Variants in ARHGAP22 observed in about 807,000 individuals in gnomAD.
The protein encoded by ARHGAP22 is rho GTPase-activating protein 22.
In ARHGAP22, 48 loss-of-function variants were observed where a neutral mutation model predicts 59.1. The observed-to-expected ratio is 0.81, with a 90% CI of 0.64 to 1.03. ARHGAP22 has a LOEUF of 1.03. Among genes scored for constraint, ARHGAP22 ranks in the 50% least tolerant of loss-of-function variants. The probability of loss-of-function intolerance (pLI) is 0.00; values close to 1 mark genes in which losing one functional copy is unlikely to be tolerated. For synonymous variants in ARHGAP22, 445 were observed against 416.4 expected (o/e 1.07, Z -0.84); for missense variants, 1,015 against 958.7 (o/e 1.06, Z -0.78).
At chr10:48,613,889 A>T (rs1187048103) in intron 1 of ARHGAP22, among the ~76,000 whole-genome samples, 1 of 152,218 alleles carries the variant, frequency 6.6e-6, no homozygotes, top group African/African-American at 2.4e-5. Context: ...CATTGCCCTC[A>T]TGAACGAATT....
At chr10:48,572,667 CA>C (rs2058470925) in intron 2 of ARHGAP22, among the ~76,000 whole-genome samples, 1 of 152,200 alleles carries the variant, frequency 6.6e-6, no homozygotes, top group African/African-American at 2.4e-5. Context: ...CTGTTCAGGA[CA>C]AATTCCTGCC....
intron 2 of ARHGAP22, among the ~76,000 whole-genome samples, chr10:48,569,045 G>A (rs2058235676): frequency 6.6e-6 from 1 of 152,192 alleles, no homozygotes; most frequent in African/African-American, 2.4e-5. Context: ...TGGGTCCAGG[G>A]CCCCTCCTTG....
chr10:48,626,009 C>T (rs1244628345), intron 1 of ARHGAP22, among the ~76,000 whole-genome samples: 2 of 152,208 alleles, frequency 1.3e-5, no homozygotes, highest in Admixed American at 1.3e-4. Context: ...AAATCAACAT[C>T]CAGTTCTCAA....
chr10:48,605,101 T>G, upstream of ARHGAP22: 42 of 1,183,618 alleles, frequency 3.5e-5, no homozygotes, highest in East Asian at 2.5e-4. Flanking sequence ...TCCCTCCGCC[T>G]GGCCTGGGCG....
the ARHGAP22 span, chr10:48,437,666 T>C: frequency 6.6e-6 from 1 of 152,338 alleles, no homozygotes. Flanking sequence ...AACTCTGTCA[T>C]AGTGTTTGCT....
At chr10:48,603,162 G>A (rs998039383) in intron 1 of ARHGAP22, among the ~76,000 whole-genome samples, 1 of 152,212 alleles carries the variant, frequency 6.6e-6, no homozygotes, top group Non-Finnish European at 1.5e-5. Context: ...AATGCCAAAT[G>A]TTCTCTAGTG....
At chr10:48,584,515 C>T (rs541972636) in intron 1 of ARHGAP22, among the ~76,000 whole-genome samples, 7 of 152,320 alleles carry the variant, frequency 4.6e-5, no homozygotes, top group African/African-American at 1.7e-4. Flanking sequence ...GTGTGGTTGT[C>T]TTTCTGCCAC....
chr10:48,518,388 CA>C (rs762761308), intron 3 of ARHGAP22, among the ~76,000 whole-genome samples: 2 of 152,124 alleles, frequency 1.3e-5, no homozygotes, highest in Non-Finnish European at 2.9e-5. Context: ...ACAGATTGTG[CA>C]AAGTAATGAC....
chr10:48,515,529 C>T (rs1027592031), intron 3 of ARHGAP22, among the ~76,000 whole-genome samples: 3 of 152,072 alleles, frequency 2.0e-5, no homozygotes, highest in African/African-American at 7.2e-5. Context: ...AGAACATCAA[C>T]AAGGAAACAG....
chr10:48,608,455 T>C (rs1424717343), upstream of ARHGAP22, among the ~76,000 whole-genome samples: 1 of 152,148 alleles, frequency 6.6e-6, no homozygotes, highest in Non-Finnish European at 1.5e-5. Flanking sequence ...GACATATAGA[T>C]AGCAAAGCCC....
Position 48,455,004 on chromosome 10 carries a change from C to A in ARHGAP22, c.790G>T (p.Glu264Ter), listed in dbSNP as rs1210872757. Residue 264 changes from glutamate (E) to a stop codon, truncating the protein, a stop_gained and splice_region_variant, in exon 6 of 10, where the codon GAG (glutamate) becomes TAG (stop). Coordinates refer to ENST00000249601, the MANE Select transcript of ARHGAP22 (RefSeq NM_021226.4). LOFTEE classifies it high-confidence loss of function. ...AGCTATCCCCAGGAGCCACTGACCT[C>A]CCCCTCGTCCTTGGTGAGCAGCTGG... is the stretch of plus-strand genomic sequence containing the variant. ...CAQLLTKDEG[E>*]GTLELAKQVS... The A allele has an allele frequency of 6.3e-7, 1 of 1,596,628 alleles. No homozygotes were observed. Among genetic ancestry groups the A allele is most frequent in the Non-Finnish European group, 8.6e-7 (1 of 1,168,472 alleles).
At chr10:48,490,081 C>A (rs1172458052) in intron 3 of ARHGAP22, among the ~76,000 whole-genome samples, 2 of 152,084 alleles carry the variant, frequency 1.3e-5, no homozygotes, top group African/African-American at 4.8e-5. Context: ...ATGGGTCAAA[C>A]CTCAGCTCCC....
In ARHGAP22 at chr10:48,513,586, G is replaced by T. The variant is rs569019331; in HGVS notation, c.323-33822C>A. 5.3e-5 allele frequency among the ~76,000 whole-genome samples: 8 copies of T among 152,278 alleles called. 1 individual carries two copies. The South Asian group carries it at 1.7e-3, about 32-fold the overall frequency. ...GACCAATAAACTAACCAAGAGACTT[G>T]GGTGACTGCATACAACAGGGAACAC... On this transcript the variant is annotated intron_variant, in intron 3 of 9. Coordinates refer to ENST00000249601, the MANE Select transcript of ARHGAP22 (RefSeq NM_021226.4).
chr10:48,632,651 C>T (rs1041937010), intron 1 of ARHGAP22, among the ~76,000 whole-genome samples: 82 of 152,224 alleles, frequency 5.4e-4, no homozygotes, highest in African/African-American at 1.9e-3. Flanking sequence ...TCTGTCACTG[C>T]CTGGAGTTGG....
At chr10:48,497,654 G>A (rs1463750500) in intron 3 of ARHGAP22, among the ~76,000 whole-genome samples, 2 of 152,114 alleles carry the variant, frequency 1.3e-5, no homozygotes, top group Admixed American at 6.5e-5. Context: ...GGGCACTACC[G>A]GGGACACAGG....
intron 3 of ARHGAP22, among the ~76,000 whole-genome samples, chr10:48,534,696 T>G (rs1234555257): frequency 6.6e-6 from 1 of 152,204 alleles, no homozygotes; most frequent in African/African-American, 2.4e-5. Context: ...ATTTTACAGA[T>G]GGGGAAACTA....
intron 6 of ARHGAP22, among the ~76,000 whole-genome samples, chr10:48,454,435 T>G (rs1016814383): frequency 1.8e-4 from 27 of 152,264 alleles, no homozygotes; most frequent in African/African-American, 6.3e-4. Context: ...CTCAGCTCAC[T>G]TATCAAGACA....
rs118099813 is a variant in ARHGAP22 at position 48,490,067 on chromosome 10, G to A, written c.323-10303C>T. On this transcript the variant is annotated intron_variant, in intron 3 of 9. Coordinates refer to ENST00000249601, the MANE Select transcript of ARHGAP22 (RefSeq NM_021226.4). ...TCTTAAACAGTGCTTAGGGTCCAAC[G>A]TCTATGGGTCAAACCTCAGCTCCCT... 4.4e-4 allele frequency among the ~76,000 whole-genome samples: 67 copies of A among 152,138 alleles called. No homozygotes were observed. The East Asian group carries it at 0.012, about 28-fold the overall frequency.
intron 1 of ARHGAP22, among the ~76,000 whole-genome samples, chr10:48,612,974 C>T (rs562469384): frequency 2.6e-5 from 4 of 152,300 alleles, no homozygotes; most frequent in African/African-American, 7.2e-5. Flanking sequence ...TGGTTAGGAC[C>T]GATAGTAATC....
Sources: gnomAD v4.1 joint callset for allele counts (sites outside exome capture counted in the v4.1 genomes callset) on GRCh38, gnomAD v4.1.1 for gene constraint, MANE v1.5 for transcripts, NCBI Gene and HGNC (gene_info 2026-07-23, HGNC 2026-07-21) for gene names.